OTOGL: variants seen among roughly 807,000 people sequenced by gnomAD.
OTOGL encodes the protein otogelin-like protein.
OTOGL carries 285 observed loss-of-function variants against 318.5 expected under a neutral mutation model. That is an observed-to-expected ratio of 0.89 (90% CI 0.81 to 0.99). The LOEUF (loss-of-function observed/expected upper bound fraction) is 0.99, where lower values mean the gene tolerates loss of function less well. Among genes scored for constraint, OTOGL ranks in the 50% least tolerant of loss-of-function variants. The pLI is 0.00. For synonymous variants in OTOGL, 987 were observed against 936.5 expected, an observed-to-expected ratio of 1.05 and a Z score of -0.99; for missense variants, 2,899 against 2,845.6, an observed-to-expected ratio of 1.02 and a Z score of -0.43.
chr12:80,214,802 C>T (rs1039066974), intron 4 of OTOGL, among the ~76,000 whole-genome samples: 1 of 152,044 alleles, frequency 6.6e-6, no homozygotes, highest in African/African-American at 2.4e-5. Flanking sequence ...TTCATTGAAT[C>T]CAAGACAACC....
At chr12:80,108,890 A>ATG (rs1869647454) in intron 1 of OTOGL, among the ~76,000 whole-genome samples, 1 of 136,916 alleles carries the variant, frequency 7.3e-6, no homozygotes, top group South Asian at 2.2e-4. Context: ...GTGTATATAT[A>ATG]TGTGTATATA....
intron 26 of OTOGL, among the ~76,000 whole-genome samples, chr12:80,290,351 T>G: frequency 6.6e-6 from 1 of 151,978 alleles, no homozygotes; most frequent in East Asian, 1.9e-4. Context: ...TCTTGCCAAG[T>G]CCCCCAGGTT....
intron 1 of OTOGL, among the ~76,000 whole-genome samples, chr12:80,108,787 G>GTATATATATATATGTA (rs1198287354): frequency 2.8e-5 from 3 of 106,222 alleles, no homozygotes; most frequent in African/African-American, 1.1e-4. Context: ...ATATATATAT[G>GTATATATATATATGTA]TATATATATA....
Position 80,358,237 on chromosome 12 carries a change from T to C in OTOGL, c.6020-11T>C, listed in dbSNP as rs1329190759. On this transcript the variant is annotated splice_polypyrimidine_tract_variant and intron_variant, in intron 49 of 58. Transcript: ENST00000547103. ...CTCAGCTGTGATTTTTGGCTTCTTG[T>C]TTTACCTTAGTTTGTGAATCTTGCA... 1 of 1,593,850 alleles carries C rather than the reference T, an allele frequency of 6.3e-7. No homozygotes were observed. The highest frequency in any genetic ancestry group is 1.1e-5 in the South Asian group (1 of 89,504).
chr12:80,130,091 T>C (rs1156892246), intron 1 of OTOGL, among the ~76,000 whole-genome samples: 2 of 152,222 alleles, frequency 1.3e-5, no homozygotes, highest in Non-Finnish European at 2.9e-5. Context: ...TATGTCATAC[T>C]TGTTCTTAAC....
intron 52 of OTOGL, among the ~76,000 whole-genome samples, chr12:80,364,204 T>C (rs1294620267): frequency 1.3e-5 from 2 of 152,188 alleles, no homozygotes; most frequent in African/African-American, 4.8e-5. Flanking sequence ...TCATCCATGA[T>C]GATCTAGTTT....
In OTOGL at chr12:80,378,325, T is replaced by C. The variant is rs1430838177; in HGVS notation, c.*277T>C. 2 of 268,860 alleles carry C rather than the reference T, an allele frequency of 7.4e-6. No individual in the cohort carries two copies. The highest frequency in any genetic ancestry group is 2.2e-5 in the African/African-American group (1 of 45,432). 16.7% of individuals were successfully genotyped at this position (268,860 alleles called of 1,614,324 possible). ...ATTACAACTTGGTGCAGATACAGTA[T>C]ATTCTCATCAACTGGAAGGTTATTT... On this transcript the variant is annotated 3_prime_UTR_variant, in exon 59 of 59. Transcript: ENST00000547103.
At chr12:80,335,265 T>C (rs1230822001) in intron 38 of OTOGL, among the ~76,000 whole-genome samples, 1 of 152,046 alleles carries the variant, frequency 6.6e-6, no homozygotes, top group Middle Eastern at 3.2e-3. Flanking sequence ...CTTGGGCAAA[T>C]TACTTTAACC....
rs927845970 is a variant in OTOGL, at chr12:80,248,952, C to T, written c.1053-2741C>T. 2.0e-3 allele frequency among the ~76,000 whole-genome samples: 298 copies of T among 148,290 alleles called. 1 individual carries two copies. Among genetic ancestry groups the T allele is most frequent in the Non-Finnish European group, 2.6e-3 (177 of 67,456 alleles). On this transcript the variant is annotated intron_variant, in intron 11 of 58. Coordinates refer to ENST00000547103, the MANE Select transcript of OTOGL (RefSeq NM_001378609.3). ...GCTGATACCCTTTCTTCCATTTGATCGCATCGGCTCCTGAGGCTTCTGCAT... is the reference window on the plus strand; with the variant it reads ...GCTGATACCCTTTCTTCCATTTGATTGCATCGGCTCCTGAGGCTTCTGCAT...
At chr12:80,366,255 G>A (rs775510227) in intron 52 of OTOGL, 6 of 436,734 alleles carry the variant, frequency 1.4e-5, no homozygotes, top group South Asian at 9.7e-5. Flanking sequence ...TGTTGCTGAT[G>A]TGTATACTAT....
intron 10 of OTOGL, 115 bp downstream of exon 10, chr12:80,239,093 C>A: frequency 1.6e-6 from 2 of 1,237,482 alleles, no homozygotes; most frequent in Non-Finnish European, 2.1e-6. Flanking sequence ...AATATTATAT[C>A]CAGGAAATGT....
intron 1 of OTOGL, among the ~76,000 whole-genome samples, chr12:80,141,222 A>T (rs575458625): frequency 1.4e-4 from 21 of 151,960 alleles, no homozygotes; most frequent in African/African-American, 4.8e-4. Context: ...TTTTTTATTA[A>T]CTCTAGAGAT....
Position 80,255,177 on chromosome 12 carries a change from T to C in OTOGL, c.1579T>C (p.Cys527Arg). The C allele has an allele frequency of 6.6e-7, 1 of 1,507,718 alleles. No homozygotes were observed. Among genetic ancestry groups the C allele is most frequent in the Non-Finnish European group, 8.8e-7 (1 of 1,133,998 alleles). 93.4% of individuals were successfully genotyped at this position (1,507,718 alleles called of 1,614,324 possible). The stretch of plus-strand genomic sequence containing the variant: ...CACGATTACTTTACAGAAAGCTCCC[T>C]GTGAGCAGGTAAGAACATTTCAAAA... ...KFTITLQKAP[C>R]EQNLGLVCLQ... The change falls in exon 16 of 59, where the codon TGT (cysteine) becomes CGT (arginine). Residue 527 changes from cysteine to arginine, a missense_variant. Transcript: ENST00000547103.
At chr12:80,135,274 C>T (rs1457089954) in intron 1 of OTOGL, among the ~76,000 whole-genome samples, 29 of 130,896 alleles carry the variant, frequency 2.2e-4, no homozygotes, top group Non-Finnish European at 4.3e-4. Flanking sequence ...CCTCCCCTCC[C>T]CTCCCCTTCC....
At chr12:80,254,459 A>G (rs1881846131) in intron 14 of OTOGL, 65 bp from the exon 15 acceptor site, 3 of 1,352,982 alleles carry the variant, frequency 2.2e-6, no homozygotes, top group African/African-American at 2.9e-5. Flanking sequence ...TAATCAATAC[A>G]TTGATGCAAA....
rs1445884441 is a variant in OTOGL, at chr12:80,252,163, G to A, written c.1247G>A (p.Ser416Asn). Reference protein sequence around the residue: ...TCTFEKQCLGSNLHCLDGCYC... With the variant: ...TCTFEKQCLGNNLHCLDGCYC... ...ACATTTGAGAAGCAATGTCTTGGGAGCAATCTCCATTGTCTTGATGGATGT... is the reference window on the plus strand; with the variant it reads ...ACATTTGAGAAGCAATGTCTTGGGAACAATCTCCATTGTCTTGATGGATGT... The change falls in exon 13 of 59, where the codon AGC becomes AAC. Residue 416 changes from serine to asparagine, a missense_variant. Ser to Asn is a conservative substitution (Grantham distance 46). Around this residue, in one of 3 missense-constraint regions of OTOGL, gnomAD observed 2,607 missense variants for 2,524.9 expected, o/e 1.03. Coordinates refer to ENST00000547103, the MANE Select transcript of OTOGL (RefSeq NM_001378609.3). 4.4e-6 allele frequency: 7 copies of A among 1,593,714 alleles called. No homozygotes were observed. Among genetic ancestry groups the A allele is most frequent in the South Asian group, 1.1e-5 (1 of 87,502 alleles).
At chr12:80,232,034 T>G (rs1879413332) in intron 8 of OTOGL, among the ~76,000 whole-genome samples, 1 of 152,222 alleles carries the variant, frequency 6.6e-6, no homozygotes, top group Non-Finnish European at 1.5e-5. Flanking sequence ...GATAATTGTG[T>G]TCTTTCAAAA....
chr12:80,364,820 A>G (rs1458976657), intron 52 of OTOGL, among the ~76,000 whole-genome samples: 1 of 152,082 alleles, frequency 6.6e-6, no homozygotes, highest in Admixed American at 6.6e-5. Flanking sequence ...CAACATTTGG[A>G]TATTTATCTT....
intron 28 of OTOGL, among the ~76,000 whole-genome samples, chr12:80,304,615 G>A (rs1885989537): frequency 6.6e-6 from 1 of 152,122 alleles, no homozygotes; most frequent in East Asian, 1.9e-4. Flanking sequence ...AAAGCCCAAA[G>A]ATCTATTCTT....
Sources: gnomAD v4.1 joint callset for allele counts (sites outside exome capture counted in the v4.1 genomes callset) on GRCh38, gnomAD v4.1.1 for gene constraint, gnomAD v4.1.1 regional missense constraint, MANE v1.5 for transcripts, NCBI Gene and HGNC (gene_info 2026-07-23, HGNC 2026-07-21) for gene names.